PCDH11X: variants seen among roughly 807,000 people sequenced by gnomAD.
PCDH11X encodes protocadherin 11 X-linked.
PCDH11X carries 18 observed loss-of-function variants against 53.3 expected under a neutral mutation model. That is an observed-to-expected ratio of 0.34 (90% CI 0.23 to 0.50). The LOEUF (loss-of-function observed/expected upper bound fraction) is 0.50. Ranked by LOEUF, PCDH11X falls within the 20% of genes least tolerant of loss-of-function variation. The probability of loss-of-function intolerance (pLI) is 0.98; values close to 1 mark genes in which losing one functional copy is unlikely to be tolerated. For synonymous variants in PCDH11X, 279 were observed against 393.3 expected (o/e 0.71, Z 3.44); for missense variants, 570 against 1,032.4 (o/e 0.55, Z 6.14).
intron 6 of PCDH11X, among the ~76,000 whole-genome samples, chrX:92,139,482 T>C (rs1324879553): frequency 9.2e-6 from 1 of 108,649 alleles, no homozygotes; most frequent in Non-Finnish European, 1.9e-5. Context: ...CAGGGTGGTC[T>C]CAAGCTCCTG....
chrX:92,363,522 T>A (rs758483000), intron 8 of PCDH11X, among the ~76,000 whole-genome samples: 1 of 93,096 alleles, frequency 1.1e-5, no homozygotes, highest in African/African-American at 3.9e-5. Context: ...CTGCTGATTT[T>A]ACTTATTAGT....
chrX:92,586,258 A>G (rs1298811573), intron 10 of PCDH11X, among the ~76,000 whole-genome samples: 3 of 105,714 alleles, frequency 2.8e-5, no homozygotes, highest in African/African-American at 1.0e-4. Flanking sequence ...CACTGAGGAC[A>G]GTTTGTTTCA....
intron 9 of PCDH11X, among the ~76,000 whole-genome samples, chrX:92,414,724 A>AT (rs975857740): frequency 1.1e-5 from 1 of 93,097 alleles, no homozygotes; most frequent in African/African-American, 5.5e-5. Flanking sequence ...TAGAATCACT[A>AT]TTTAAAAAAA....
rs190934579 is a variant in PCDH11X, at chrX:92,012,983, C to T, written c.3033+133710C>T. ...TGAAAACTGGCACAAGACAGGGATG[C>T]CCTCTCTCACCACTCCTTTTCAACA... On this transcript the variant is annotated intron_variant, in intron 6 of 10. Coordinates refer to ENST00000682573, the MANE Select transcript of PCDH11X (RefSeq NM_032968.5). 3.2e-4 allele frequency among the ~76,000 whole-genome samples: 36 copies of T among 111,546 alleles called. 1 individual carries two copies. In the East Asian group the frequency reaches 7.1e-3, roughly 22 times the overall value.
At chrX:92,537,088 T>A (rs1466202945) in intron 10 of PCDH11X, among the ~76,000 whole-genome samples, 1 of 111,879 alleles carries the variant, frequency 8.9e-6, no homozygotes, top group Non-Finnish European at 1.9e-5. Context: ...ATATTCTGGT[T>A]ATGAATCCCT....
chrX:92,127,695 G>A (rs2064894222), intron 6 of PCDH11X, among the ~76,000 whole-genome samples: 1 of 109,005 alleles, frequency 9.2e-6, no homozygotes, highest in African/African-American at 3.3e-5. Flanking sequence ...TAACTGTTTT[G>A]TATTTTCAGT....
chrX:91,953,175 T>C (rs2061663086), intron 6 of PCDH11X, among the ~76,000 whole-genome samples: 2 of 110,035 alleles, frequency 1.8e-5, no homozygotes, highest in African/African-American at 6.7e-5. Context: ...TTATATATTT[T>C]AAAGTAAAGA....
intron 7 of PCDH11X, among the ~76,000 whole-genome samples, chrX:92,224,321 A>G (rs1227473724): frequency 8.9e-6 from 1 of 112,016 alleles, no homozygotes; most frequent in Non-Finnish European, 1.9e-5. Context: ...TAAAGAGATG[A>G]TAGTAGAGAA....
intron 7 of PCDH11X, among the ~76,000 whole-genome samples, chrX:92,240,445 G>A (rs949005339): frequency 3.6e-5 from 4 of 111,365 alleles, no homozygotes; most frequent in Admixed American, 1.9e-4. Context: ...AGGAGACCCC[G>A]CCAAGTTAAT....
rs184581571 is a variant in PCDH11X at position 91,833,995 on chromosome X, A to G, written c.-44-1466A>G. Among the ~76,000 whole-genome samples the G allele has an allele frequency of 2.7e-3, 299 of 111,867 alleles. 2 individuals carry two copies. Among genetic ancestry groups the G allele is most frequent in the Middle Eastern group, 4.7e-3 (1 of 211 alleles). On this transcript the variant is annotated intron_variant, in intron 4 of 10. Transcript: ENST00000682573. ...ATGCATTAATACATTTCTGGAATGG[A>G]ATTTTAAATAACCATCTGACCACTG...
At position 92,256,430 on chromosome X, in the gene PCDH11X, A is replaced by G. The variant is rs747711966; in HGVS notation, c.3115-6684A>G. Among the ~76,000 whole-genome samples, 5 of 111,673 alleles carry G rather than the reference A, an allele frequency of 4.5e-5. No individual in the cohort carries two copies. In the East Asian group the frequency reaches 1.1e-3, roughly 26 times the overall value. On this transcript the variant is annotated intron_variant, in intron 7 of 10. Transcript: ENST00000682573. ...GTGTCGCTCAGGCTGGGAGCTGTAG[A>G]CCGGAGCTGTTCCTATTCGGCCATC...
intron 6 of PCDH11X, among the ~76,000 whole-genome samples, chrX:91,959,245 C>A (rs377539041): frequency 9.2e-6 from 1 of 108,751 alleles, no homozygotes; most frequent in South Asian, 4.1e-4. Flanking sequence ...GTGACTGTTA[C>A]GTCAAGTTAA....
At chrX:92,286,365 G>A (rs1347581350) in intron 8 of PCDH11X, among the ~76,000 whole-genome samples, 1 of 109,363 alleles carries the variant, frequency 9.1e-6, no homozygotes, top group Non-Finnish European at 1.9e-5. Context: ...GGGTATTAAA[G>A]GTTAACAGAA....
At chrX:92,166,039 T>C (rs1252327085) in intron 6 of PCDH11X, among the ~76,000 whole-genome samples, 1 of 111,670 alleles carries the variant, frequency 9.0e-6, no homozygotes, top group African/African-American at 3.2e-5. Context: ...TTACTTCTAT[T>C]GTGTAAACTT....
intron 6 of PCDH11X, among the ~76,000 whole-genome samples, chrX:92,105,928 C>T (rs990030183): frequency 5.7e-4 from 64 of 111,453 alleles, no homozygotes; most frequent in African/African-American, 2.1e-3. Context: ...CTTCCCTCTA[C>T]AGTTAATCAT....
chrX:92,334,175 T>G (rs2069560444), intron 8 of PCDH11X, among the ~76,000 whole-genome samples: 1 of 112,115 alleles, frequency 8.9e-6, no homozygotes. Context: ...CTAGTCTATT[T>G]TATCATTTAC....
intron 8 of PCDH11X, among the ~76,000 whole-genome samples, chrX:92,371,769 G>A (rs776248106): frequency 3.0e-4 from 32 of 107,432 alleles, no homozygotes; most frequent in African/African-American, 1.1e-3. Context: ...AAGTGTAGGT[G>A]GGAATAGCAG....
At chrX:92,321,761 G>A (rs2069217836) in intron 8 of PCDH11X, among the ~76,000 whole-genome samples, 2 of 110,935 alleles carry the variant, frequency 1.8e-5, no homozygotes, top group South Asian at 3.9e-4. Context: ...AGTATAATGA[G>A]GAGTGACTGA....
At chrX:92,609,035 A>G (rs1232751666) in intron 10 of PCDH11X, among the ~76,000 whole-genome samples, 2 of 111,367 alleles carry the variant, frequency 1.8e-5, no homozygotes, top group East Asian at 5.6e-4. Flanking sequence ...TCATTTAACA[A>G]AATTCATTTG....
Sources: gnomAD v4.1 joint callset for allele counts (sites outside exome capture counted in the v4.1 genomes callset) on GRCh38, gnomAD v4.1.1 for gene constraint, MANE v1.5 for transcripts, NCBI Gene and HGNC (gene_info 2026-07-23, HGNC 2026-07-21) for gene names.